The following ZMAT4 variants were observed in gnomAD, a reference collection of about 807,000 sequenced individuals.
The protein encoded by ZMAT4 is zinc finger matrin-type 4, also known as zinc finger matrin-type protein 4.
ZMAT4 carries 17 observed loss-of-function variants against 28.7 expected under a neutral mutation model. That is an observed-to-expected ratio of 0.59 (90% CI 0.41 to 0.89). ZMAT4 has a LOEUF of 0.89. ZMAT4 is among the 40% of genes least tolerant of loss of function. The pLI, the probability that ZMAT4 is intolerant of heterozygous loss-of-function variation, is 0.00. For missense variants in ZMAT4, 240 were observed against 283.8 expected (o/e 0.85, Z 1.11); for synonymous variants, 117 against 109.2 (o/e 1.07, Z -0.44).
At chr8:40,630,528 G>A (rs1073641) in intron 5 of ZMAT4, among the ~76,000 whole-genome samples, 5 of 152,190 alleles carry the variant, frequency 3.3e-5, no homozygotes, top group Non-Finnish European at 7.3e-5. Flanking sequence ...TCATGCTGAC[G>A]ATTAGTCTTG....
chr8:40,820,835 GTGTATGTGTGTATGTTTA>G (rs1192455262), intron 2 of ZMAT4, among the ~76,000 whole-genome samples: 3 of 13,560 alleles, frequency 2.2e-4, no homozygotes, highest in African/African-American at 5.6e-4. Flanking sequence ...ATGTTTATGT[GTGTATGTGTGTATGTTTA>G]TGTGTGTTTG....
In ZMAT4 at chr8:40,739,347, C is replaced by T. The variant is rs116307757; in HGVS notation, c.192+28294G>A. Among the ~76,000 whole-genome samples, 717 of 152,244 alleles carry T rather than the reference C, an allele frequency of 4.7e-3. 3 individuals are homozygous for T. The highest frequency in any genetic ancestry group is 0.016 in the African/African-American group (683 of 41,544). On this transcript the variant is annotated intron_variant, in intron 3 of 6. Coordinates refer to ENST00000297737, the MANE Select transcript of ZMAT4 (RefSeq NM_024645.3). ...TCAGGGATTCTTAACCTGTGGGTGC[C>T]TTGGATGCCCTTAGCAGCCTGTTGA...
chr8:40,856,335 G>A (rs1296166641), intron 1 of ZMAT4, among the ~76,000 whole-genome samples: 3 of 152,118 alleles, frequency 2.0e-5, no homozygotes, highest in Non-Finnish European at 2.9e-5. Context: ...AGGGGTCAGC[G>A]CAAAGATGGA....
At chr8:40,639,080 A>C (rs1806905467) in intron 5 of ZMAT4, among the ~76,000 whole-genome samples, 1 of 152,104 alleles carries the variant, frequency 6.6e-6, no homozygotes, top group Non-Finnish European at 1.5e-5. Flanking sequence ...CAGGTGTCTG[A>C]CTCTGCTGCT....
At chr8:40,630,406 G>A (rs944189132) in intron 5 of ZMAT4, among the ~76,000 whole-genome samples, 3 of 152,212 alleles carry the variant, frequency 2.0e-5, no homozygotes, top group African/African-American at 7.2e-5. Context: ...GAAGATAGCT[G>A]CTATCAGTTC....
intron 3 of ZMAT4, among the ~76,000 whole-genome samples, chr8:40,719,963 C>G (rs1379208818): frequency 6.6e-6 from 1 of 152,216 alleles, no homozygotes; most frequent in African/African-American, 2.4e-5. Context: ...CAAGGTGAGT[C>G]CTGTCTGGAT....
intron 3 of ZMAT4, among the ~76,000 whole-genome samples, chr8:40,740,612 T>C (rs1009359888): frequency 3.3e-5 from 5 of 152,210 alleles, no homozygotes; most frequent in African/African-American, 1.2e-4. Flanking sequence ...AGCATTACTG[T>C]TAGTTGTTAC....
chr8:40,619,917 G>A (rs1468758718), intron 5 of ZMAT4, among the ~76,000 whole-genome samples: 1 of 152,108 alleles, frequency 6.6e-6, no homozygotes, highest in Non-Finnish European at 1.5e-5. Flanking sequence ...CAGACTTAAA[G>A]CACAACCCAT....
chr8:40,621,586 A>G (rs1285152731), intron 5 of ZMAT4, among the ~76,000 whole-genome samples: 2 of 152,260 alleles, frequency 1.3e-5, no homozygotes, highest in African/African-American at 4.8e-5. Context: ...GAGTTGAAGG[A>G]ACAAGTAACA....
rs2722462 is a variant in ZMAT4 at position 40,596,053 on chromosome 8, T to C, written c.578-14792A>G. Among the ~76,000 whole-genome samples the C allele has an allele frequency of 1.7e-3, 255 of 152,164 alleles. 2 individuals carry two copies. Among genetic ancestry groups the C allele is most frequent in the Middle Eastern group, 6.8e-3 (2 of 292 alleles). On this transcript the variant is annotated intron_variant, in intron 5 of 6. Coordinates refer to ENST00000297737, the MANE Select transcript of ZMAT4 (RefSeq NM_024645.3). ...GTTGCAGTGAGCCAAGATCGTGCCA[T>C]TGCAGTCCAGTCTGGGTGACAAGAC...
At chr8:40,756,976 G>T (rs1157800176) in intron 3 of ZMAT4, among the ~76,000 whole-genome samples, 2 of 152,242 alleles carry the variant, frequency 1.3e-5, no homozygotes, top group African/African-American at 4.8e-5. Context: ...CTTATTTAAT[G>T]CATGTCTTTT....
At chr8:40,751,687 G>C (rs995858108) in intron 3 of ZMAT4, among the ~76,000 whole-genome samples, 1 of 152,198 alleles carries the variant, frequency 6.6e-6, no homozygotes, top group Admixed American at 6.5e-5. Flanking sequence ...TTAGGGCAGC[G>C]ATGACCAAGA....
At chr8:40,891,567 G>A (rs1235310289) in intron 1 of ZMAT4, among the ~76,000 whole-genome samples, 1 of 152,110 alleles carries the variant, frequency 6.6e-6, no homozygotes, top group Non-Finnish European at 1.5e-5. Context: ...CTCTGCCCCT[G>A]AGGCTTCTCC....
chr8:40,712,020 C>T (rs1406899457), intron 3 of ZMAT4, among the ~76,000 whole-genome samples: 2 of 152,082 alleles, frequency 1.3e-5, no homozygotes, highest in Non-Finnish European at 2.9e-5. Flanking sequence ...GTTAGCAGCC[C>T]TAGATGTCTC....
At position 40,655,809 on chromosome 8, in the gene ZMAT4, A is replaced by G. The variant is rs1807894002; in HGVS notation, c.577+18895T>C. Among the ~76,000 whole-genome samples, 3 of 152,088 alleles carry G rather than the reference A, an allele frequency of 2.0e-5. No individual in the cohort carries two copies. The South Asian group carries it at 6.2e-4, about 31-fold the overall frequency. ...CACATACAAAAATTAAGCCAAAATG[A>G]ATCAAAGACATAAATGTAAGAAGTA... On this transcript the variant is annotated intron_variant, in intron 5 of 6. Coordinates refer to ENST00000297737, the MANE Select transcript of ZMAT4 (RefSeq NM_024645.3).
intron 5 of ZMAT4, among the ~76,000 whole-genome samples, chr8:40,660,290 T>C (rs1808128546): frequency 6.6e-6 from 1 of 152,234 alleles, no homozygotes; most frequent in South Asian, 2.1e-4. Context: ...TTTAGTTGTG[T>C]ATTTTTAAGT....
At chr8:40,809,924 A>T (rs996078660) in intron 2 of ZMAT4, among the ~76,000 whole-genome samples, 2 of 152,070 alleles carry the variant, frequency 1.3e-5, no homozygotes, top group African/African-American at 4.8e-5. Context: ...GGCACCTGTA[A>T]TTCCAGCTAC....
intron 3 of ZMAT4, among the ~76,000 whole-genome samples, chr8:40,734,861 T>C (rs1811693754): frequency 6.6e-6 from 1 of 152,192 alleles, no homozygotes; most frequent in Non-Finnish European, 1.5e-5. Flanking sequence ...CTAAAGACAT[T>C]AATACAGAAA....
intron 2 of ZMAT4, among the ~76,000 whole-genome samples, chr8:40,782,156 G>A (rs1441849679): frequency 6.6e-6 from 1 of 152,172 alleles, no homozygotes; most frequent in African/African-American, 2.4e-5. Flanking sequence ...GGGAGGCTGA[G>A]GTGGGTGGAT....
Sources: allele counts gnomAD v4.1 joint callset (sites outside exome capture counted in the v4.1 genomes callset), GRCh38; gene constraint gnomAD v4.1.1; transcripts MANE v1.5; gene names NCBI Gene and HGNC (gene_info 2026-07-23, HGNC 2026-07-21).